The following PLCZ1 variants were observed in gnomAD, a reference collection of about 807,000 sequenced individuals.
PLCZ1 encodes the protein 1-phosphatidylinositol 4,5-bisphosphate phosphodiesterase zeta-1.
In PLCZ1, 64 loss-of-function variants were observed where a neutral mutation model predicts 76.8. That is an observed-to-expected ratio of 0.83 (90% CI 0.68 to 1.03). The LOEUF (loss-of-function observed/expected upper bound fraction) is 1.03, where lower values mean the gene tolerates loss of function less well. Ranked by LOEUF, PLCZ1 falls within the 50% of genes least tolerant of loss-of-function variation. The pLI is 0.00. For synonymous variants in PLCZ1, 248 were observed against 230.8 expected, an observed-to-expected ratio of 1.07 and a Z score of -0.68; for missense variants, 751 against 713.7, an observed-to-expected ratio of 1.05 and a Z score of -0.60.
At chr12:18,732,566 C>A (rs931784942) in intron 3 of PLCZ1, among the ~76,000 whole-genome samples, 1 of 152,264 alleles carries the variant, frequency 6.6e-6, no homozygotes. Flanking sequence ...TTCAGTAGCT[C>A]GCTGGGACTT....
chr12:18,659,794 A>C, the PLCZ1 span, among the ~76,000 whole-genome samples: 1 of 151,292 alleles, frequency 6.6e-6, no homozygotes, highest in Non-Finnish European at 1.5e-5. Context: ...ATTTAGCATT[A>C]TGTATATCAC....
intron 12 of PLCZ1, among the ~76,000 whole-genome samples, chr12:18,691,261 T>G (rs11833434): frequency 0.011 from 1,619 of 152,230 alleles, 34 homozygotes; most frequent in African/African-American, 0.037. Context: ...TTTGTTGACA[T>G]TTAAGTAAGA....
At position 18,711,315 on chromosome 12, in the gene PLCZ1, A is replaced by C. The variant is rs1411408668; in HGVS notation, c.714+1527T>G. Among the ~76,000 whole-genome samples, 13 of 140,904 alleles carry C rather than the reference A, an allele frequency of 9.2e-5. No homozygotes were observed. The Admixed American group carries it at 9.8e-4, about 11-fold the overall frequency. The allele number at this position is 140,904 out of a possible 152,430, so 92.4% of individuals were successfully genotyped here. The stretch of plus-strand genomic sequence containing the variant: ...AACCAAACACCGCATGTTCTCACTC[A>C]TAGGTGGGAATTGAACAATGAGAAC... On this transcript the variant is annotated intron_variant, in intron 6 of 14. Transcript: ENST00000266505.
At chr12:18,684,885 G>T (rs1427763789) in intron 13 of PLCZ1, among the ~76,000 whole-genome samples, 2 of 151,894 alleles carry the variant, frequency 1.3e-5, no homozygotes, top group Non-Finnish European at 2.9e-5. Context: ...GTACTCATGA[G>T]ATCTGATGGT....
At chr12:18,706,743 T>C (rs900065606) in intron 6 of PLCZ1, among the ~76,000 whole-genome samples, 1 of 152,214 alleles carries the variant, frequency 6.6e-6, no homozygotes, top group African/African-American at 2.4e-5. Context: ...TTCACAGCAC[T>C]CAGAACAGGG....
At chr12:18,733,444 C>T (rs1959161004) in intron 3 of PLCZ1, among the ~76,000 whole-genome samples, 1 of 152,112 alleles carries the variant, frequency 6.6e-6, no homozygotes, top group Non-Finnish European at 1.5e-5. Context: ...GCAATAGCCA[C>T]TTTGTTTCAT....
chr12:18,678,075 A>G, the PLCZ1 span, among the ~76,000 whole-genome samples: 1 of 152,090 alleles, frequency 6.6e-6, no homozygotes, highest in Admixed American at 6.6e-5. Context: ...TATTATGCAA[A>G]CAACTCTATA....
the PLCZ1 span, among the ~76,000 whole-genome samples, chr12:18,648,852 C>A: frequency 5.9e-5 from 9 of 152,092 alleles, no homozygotes; most frequent in Non-Finnish European, 7.4e-5. Flanking sequence ...ATGCCACATT[C>A]TTTAAAACAA....
intron 4 of PLCZ1, among the ~76,000 whole-genome samples, chr12:18,722,922 A>G (rs899361181): frequency 6.6e-6 from 1 of 152,148 alleles, no homozygotes; most frequent in South Asian, 2.1e-4. Context: ...TTTCAATAAT[A>G]TAATGCATTA....
At chr12:18,692,905 C>A in intron 12 of PLCZ1, 1 of 1,598,710 alleles carries the variant, frequency 6.3e-7, no homozygotes. Flanking sequence ...ACAAAGGGAC[C>A]AGATGCTGCC....
chr12:18,683,561 G>A (rs558409365), intron 14 of PLCZ1: 45 of 1,482,496 alleles, frequency 3.0e-5, no homozygotes, highest in Admixed American at 4.0e-5. Flanking sequence ...TCCGCAAAGC[G>A]CTGCATGATC....
chr12:18,729,268 A>G lies in PLCZ1; in HGVS notation c.136-5726T>C, dbSNP rs532075520. ...TTTATTCTCCATGCACTCTTTCCAC[A>G]TACTCCATACATATTCCTTCTTATT... On this transcript the variant is annotated intron_variant, in intron 3 of 14. Transcript: ENST00000266505. Among the ~76,000 whole-genome samples, 16 of 152,124 alleles carry G rather than the reference A, an allele frequency of 1.1e-4. No homozygotes were observed. In the South Asian group the frequency reaches 1.4e-3, roughly 14 times the overall value.
Position 18,692,990 on chromosome 12 carries a change from T to C in PLCZ1, c.1461+1920A>G. The C allele has an allele frequency of 2.1e-6, 3 of 1,398,256 alleles. No individual in the cohort carries two copies. In the South Asian group the frequency reaches 3.5e-5, roughly 16 times the overall value. The allele number at this position is 1,398,256 out of a possible 1,614,324, so 86.6% of individuals were successfully genotyped here. A position where few individuals can be genotyped will look rare whatever the true frequency, so the allele number is the denominator to read the frequency against. Reference sequence around the variant, plus strand: ...TGAAGTTAGAGAGAATTAAAGACTATCTTCTCATGGAGGAAGAATTCATTA... The same window carrying C: ...TGAAGTTAGAGAGAATTAAAGACTACCTTCTCATGGAGGAAGAATTCATTA... On this transcript the variant is annotated intron_variant, in intron 12 of 14. Coordinates refer to ENST00000266505, the MANE Select transcript of PLCZ1 (RefSeq NM_033123.4).
the PLCZ1 span, among the ~76,000 whole-genome samples, chr12:18,672,766 C>T: frequency 6.6e-6 from 1 of 152,114 alleles, no homozygotes; most frequent in Admixed American, 6.6e-5. Context: ...CTCCCTTCAA[C>T]CTCCTGGTAG....
Position 18,701,710 on chromosome 12 carries a change from T to C in PLCZ1, c.931A>G (p.Lys311Glu), listed in dbSNP as rs1471244614. The C allele has an allele frequency of 6.2e-7, 1 of 1,612,800 alleles. No individual in the cohort carries two copies. The highest frequency in any genetic ancestry group is 1.3e-5 in the African/African-American group (1 of 74,946). Residue 311 changes from lysine to glutamate, a missense_variant, in exon 8 of 15, where the codon AAA (lysine) becomes GAA (glutamate). By Grantham distance (56) the Lys-to-Glu change is moderately conservative (BLOSUM62 1). Transcript: ENST00000266505. ...ACCTTACCACGCTTATCAGAACCTTTTCTTTCATGGGTTTCCTTTAAGGTT... is the reference window on the plus strand; with the variant it reads ...ACCTTACCACGCTTATCAGAACCTTCTCTTTCATGGGTTTCCTTTAAGGTT... ...IGTLKETHER[K>E]GSDKRGDNQD...
intron 12 of PLCZ1, among the ~76,000 whole-genome samples, chr12:18,691,728 A>C (rs1162292730): frequency 1.3e-5 from 2 of 152,182 alleles, no homozygotes; most frequent in Non-Finnish European, 2.9e-5. Context: ...GTCAGTAGTT[A>C]ATTCTTTGCC....
At chr12:18,719,262 C>T (rs1369580116) in intron 5 of PLCZ1, among the ~76,000 whole-genome samples, 169 bp downstream of exon 5, 3 of 152,102 alleles carry the variant, frequency 2.0e-5, no homozygotes, top group African/African-American at 7.2e-5. Context: ...GCCACTTCAT[C>T]CAAATGTTGG....
chr12:18,693,796 G>A (rs57221397), intron 12 of PLCZ1: 204,295 of 1,503,290 alleles, frequency 0.14, 15,198 homozygotes, highest in Middle Eastern at 0.19. Flanking sequence ...TGGATCCAGC[G>A]CTTATCAGAC....
chr12:18,699,990 T>C (rs1229888099), intron 9 of PLCZ1, 40 bp from the exon 10 acceptor site: 1 of 1,567,282 alleles, frequency 6.4e-7, no homozygotes, highest in Non-Finnish European at 8.7e-7. Flanking sequence ...TTTATGCTAA[T>C]CATTGGGAAA....
Sources: allele counts gnomAD v4.1 joint callset (sites outside exome capture counted in the v4.1 genomes callset), GRCh38; gene constraint gnomAD v4.1.1; transcripts MANE v1.5; gene names NCBI Gene and HGNC (gene_info 2026-07-23, HGNC 2026-07-21).